MYH15: variants seen among roughly 807,000 people sequenced by gnomAD.
The protein encoded by MYH15 is myosin heavy chain 15, also known as myosin-15.
MYH15 carries 227 observed loss-of-function variants against 240.5 expected under a neutral mutation model. That is an observed-to-expected ratio of 0.94 (90% CI 0.85 to 1.05). The LOEUF is 1.05. MYH15 is among the 50% of genes least tolerant of loss of function. The pLI is 0.00. For missense variants in MYH15, 2,217 were observed against 2,247.5 expected (o/e 0.99, Z 0.27); for synonymous variants, 785 against 796.7 (o/e 0.99, Z 0.25).
At position 108,495,794 on chromosome 3, in the gene MYH15, T is replaced by G; in HGVS notation, c.697A>C (p.Asn233His). Residue 233 changes from asparagine (N) to histidine (H), a missense_variant, in exon 7 of 41, where the codon AAC becomes CAC. Asn to His is a moderately conservative substitution (Grantham distance 68, BLOSUM62 1). Transcript: ENST00000693548. ...ATGTTACTTACAAAACGAGAGGAGT[T>G]GTCATTTCTCAGGGTTTTAGCATTT... The part of the protein sequence containing the change: ...FGNAKTLRND[N>H]SSRFGKFIRM... 6.2e-7 allele frequency: 1 copy of G among 1,611,712 alleles called. No individual in the cohort carries two copies. Among genetic ancestry groups the G allele is most frequent in the Non-Finnish European group, 8.5e-7 (1 of 1,178,844 alleles).
At chr3:108,501,997 C>A (rs73850505) in intron 2 of MYH15, 142 bp from the exon 3 acceptor site, 8 of 863,614 alleles carry the variant, frequency 9.3e-6, no homozygotes, top group Non-Finnish European at 1.4e-5. Flanking sequence ...ATTAAGCCAG[C>A]CTTCATGGAA....
At chr3:108,454,907 G>A (rs1317768564) in intron 20 of MYH15, among the ~76,000 whole-genome samples, 1 of 152,084 alleles carries the variant, frequency 6.6e-6, no homozygotes, top group African/African-American at 2.4e-5. Flanking sequence ...CTTGCCTCAG[G>A]TCAATCTTGG....
chr3:108,531,999 T>A (rs373769320), upstream of MYH15, among the ~76,000 whole-genome samples: 1 of 152,196 alleles, frequency 6.6e-6, no homozygotes, highest in South Asian at 2.1e-4. Flanking sequence ...TCCACTCTCA[T>A]CTTAGAATAA....
intron 39 of MYH15, 152 bp downstream of exon 39, chr3:108,384,535 T>C (rs932283088): frequency 3.0e-6 from 2 of 676,258 alleles, no homozygotes; most frequent in Admixed American, 5.9e-5. Flanking sequence ...TGGGTGAGAA[T>C]TCTAACTTGA....
Position 108,501,711 on chromosome 3 carries a change from CAT to C in MYH15, c.338_339del (p.Thr114IlefsTer44), listed in dbSNP as rs1446680024. The part of the protein sequence containing the change: ...LKRRYGQWMI[Y>X]TYSGLFCVTI... ...GTTTAGCAGGAAAGCATATTACACA[CAT>C]AGATCATCCACTGGCCATAGCGCCG... On this transcript the variant is annotated frameshift_variant and splice_region_variant, in exon 3 of 41. Coordinates refer to ENST00000693548, the MANE Select transcript of MYH15 (RefSeq NM_014981.3). LOFTEE classifies it high-confidence loss of function. The C allele has an allele frequency of 6.2e-7, 1 of 1,614,014 alleles. No individual in the cohort carries two copies. The highest frequency in any genetic ancestry group is 8.5e-7 in the Non-Finnish European group (1 of 1,179,918).
At chr3:108,412,102 A>C (rs1438182541) in intron 30 of MYH15, among the ~76,000 whole-genome samples, 1 of 152,232 alleles carries the variant, frequency 6.6e-6, no homozygotes, top group African/African-American at 2.4e-5. Context: ...TGGGTGACTG[A>C]TCATACTGGA....
chr3:108,468,023 T>C (rs1051862587), intron 14 of MYH15, among the ~76,000 whole-genome samples: 2 of 151,966 alleles, frequency 1.3e-5, no homozygotes, highest in African/African-American at 4.8e-5. Flanking sequence ...TGGAGTGCAG[T>C]GGTGCGATCT....
chr3:108,427,923 G>A (rs982648672), intron 27 of MYH15, among the ~76,000 whole-genome samples: 1 of 152,162 alleles, frequency 6.6e-6, no homozygotes, highest in African/African-American at 2.4e-5. Context: ...AGACAGGGTC[G>A]CTGATTTCGA....
chr3:108,484,386 A>G (rs933155993), intron 11 of MYH15, among the ~76,000 whole-genome samples: 1 of 152,154 alleles, frequency 6.6e-6, no homozygotes, highest in Admixed American at 6.5e-5. Context: ...TGAGTTAGTT[A>G]CTTCCCACTG....
At chr3:108,409,416 CTG>C (rs1271182623) in intron 31 of MYH15, among the ~76,000 whole-genome samples, 5 of 152,218 alleles carry the variant, frequency 3.3e-5, no homozygotes, top group African/African-American at 1.2e-4. Context: ...ACCTGGAAAA[CTG>C]TCAGAAATAC....
chr3:108,519,843 A>T (rs1304184101), intron 1 of MYH15, among the ~76,000 whole-genome samples: 4 of 152,198 alleles, frequency 2.6e-5, no homozygotes, highest in Non-Finnish European at 5.9e-5. Context: ...TGATATATAA[A>T]TTCAAGGTAT....
At chr3:108,416,595 A>C (rs1206415589) in intron 29 of MYH15, among the ~76,000 whole-genome samples, 3 of 152,144 alleles carry the variant, frequency 2.0e-5, no homozygotes, top group Non-Finnish European at 4.4e-5. Context: ...GGGAACACAC[A>C]CTTTGCTTGC....
At chr3:108,483,734 A>G (rs1270288597) in intron 11 of MYH15, among the ~76,000 whole-genome samples, 5 of 152,242 alleles carry the variant, frequency 3.3e-5, no homozygotes. Context: ...TGTTATATGC[A>G]TACACTGGAA....
Position 108,410,935 on chromosome 3 carries a change from G to C in MYH15, c.4146-3C>G. On this transcript the variant is annotated splice_region_variant and splice_polypyrimidine_tract_variant and intron_variant, in intron 30 of 40. Coordinates refer to ENST00000693548, the MANE Select transcript of MYH15 (RefSeq NM_014981.3). ...GCAATCTAATTGCCAGTTCCTTCCT[G>C]AGAAAGGAGGACACCCAAAGAGTGA... The C allele has an allele frequency of 6.3e-7, 1 of 1,587,730 alleles. No homozygotes were observed. The highest frequency in any genetic ancestry group is 1.3e-5 in the African/African-American group (1 of 74,590).
At chr3:108,499,384 A>AGTGAAATGG in intron 5 of MYH15, 71 bp downstream of exon 5, 4 of 1,448,452 alleles carry the variant, frequency 2.8e-6, no homozygotes, top group Non-Finnish European at 3.9e-6. Context: ...TTTTATTCCC[A>AGTGAAATGG]GTGAAATGGA....
intron 7 of MYH15, among the ~76,000 whole-genome samples, chr3:108,493,941 C>CT (rs1265628551): frequency 6.6e-6 from 1 of 152,196 alleles, no homozygotes; most frequent in African/African-American, 2.4e-5. Context: ...CCCTTTCTTC[C>CT]TTATCAGTGA....
chr3:108,430,768 G>A, intron 26 of MYH15, 64 bp downstream of exon 26: 1 of 1,277,296 alleles, frequency 7.8e-7, no homozygotes, highest in East Asian at 2.3e-5. Flanking sequence ...ATTAGTCATT[G>A]AACCACCAGT....
At chr3:108,537,739 T>C in the MYH15 span, among the ~76,000 whole-genome samples, 1 of 152,168 alleles carries the variant, frequency 6.6e-6, no homozygotes, top group Non-Finnish European at 1.5e-5. Context: ...GTAACCTAAA[T>C]ACTGGGCTAC....
chr3:108,521,161 T>G (rs563677280), intron 1 of MYH15, among the ~76,000 whole-genome samples: 1 of 152,240 alleles, frequency 6.6e-6, no homozygotes, highest in South Asian at 2.1e-4. Flanking sequence ...GTGTCTTGTC[T>G]ATCCAAGGAA....
Sources: gnomAD v4.1 joint callset for allele counts (sites outside exome capture counted in the v4.1 genomes callset) on GRCh38, gnomAD v4.1.1 for gene constraint, MANE v1.5 for transcripts, NCBI Gene and HGNC (gene_info 2026-07-23, HGNC 2026-07-21) for gene names.